The following SNTG1 variants were observed in gnomAD, a reference collection of about 807,000 sequenced individuals.
SNTG1 encodes gamma-1-syntrophin.
Under a neutral mutation model 74.7 loss-of-function variants are expected in SNTG1, and 39 were observed. The observed-to-expected ratio is 0.52, with a 90% CI of 0.40 to 0.68. The LOEUF is 0.68. Ranked by LOEUF, SNTG1 falls within the 30% of genes least tolerant of loss-of-function variation. SNTG1 has a pLI of 0.00. For missense variants in SNTG1, 685 were observed against 609.5 expected (o/e 1.12, Z -1.30); for synonymous variants, 254 against 217.1 (o/e 1.17, Z -1.49).
intron 8 of SNTG1, among the ~76,000 whole-genome samples, chr8:50,476,569 G>A (rs2093698202): frequency 1.3e-5 from 2 of 152,138 alleles, no homozygotes; most frequent in South Asian, 4.1e-4. Flanking sequence ...TGTGGTAATG[G>A]ATAGGATACA....
intron 18 of SNTG1, among the ~76,000 whole-genome samples, chr8:50,761,433 T>C (rs1204872837): frequency 6.6e-6 from 1 of 151,898 alleles, no homozygotes; most frequent in Non-Finnish European, 1.5e-5. Context: ...TCACATATGC[T>C]GCTCAGTCAC....
Position 50,236,103 on chromosome 8 carries a change from T to A in SNTG1, c.-28+63468T>A, listed in dbSNP as rs11991003. On this transcript the variant is annotated intron_variant, in intron 2 of 18. Transcript: ENST00000642720. ...GAGTATGGAGGAGAGGTTGTGCCAC[T>A]TTAAGATGGTACAATTTTATCTGGA... 7.4e-4 allele frequency among the ~76,000 whole-genome samples: 112 copies of A among 152,284 alleles called. 2 individuals carry two copies. Among genetic ancestry groups the A allele is most frequent in the African/African-American group, 2.4e-3 (101 of 41,582 alleles).
At chr8:50,094,123 G>GTTTGCTGAAATTATATA (rs1173017898) in intron 1 of SNTG1, among the ~76,000 whole-genome samples, 1 of 152,100 alleles carries the variant, frequency 6.6e-6, no homozygotes, top group African/African-American at 2.4e-5. Flanking sequence ...GTGTTTGGGA[G>GTTTGCTGAAATTATATA]TGTGCAGGGA....
At chr8:50,735,501 TCAATCA>T (rs2095526078) in intron 17 of SNTG1, among the ~76,000 whole-genome samples, 1 of 151,544 alleles carries the variant, frequency 6.6e-6, no homozygotes, top group Non-Finnish European at 1.5e-5. Context: ...GTCAAATCGA[TCAATCA>T]GAAGAAAGGG....
intron 2 of SNTG1, among the ~76,000 whole-genome samples, chr8:50,198,086 G>A (rs2083845560): frequency 6.6e-6 from 1 of 151,966 alleles, no homozygotes; most frequent in African/African-American, 2.4e-5. Context: ...CTTCTTTTCA[G>A]AATGAGCCCC....
At chr8:50,194,634 A>AT (rs1351980387) in intron 2 of SNTG1, among the ~76,000 whole-genome samples, 1 of 151,822 alleles carries the variant, frequency 6.6e-6, no homozygotes, top group Non-Finnish European at 1.5e-5. Flanking sequence ...TGTTTCATTT[A>AT]TTTTTTGTAC....
At chr8:50,089,629 T>G (rs1440993673) in intron 1 of SNTG1, among the ~76,000 whole-genome samples, 2 of 152,228 alleles carry the variant, frequency 1.3e-5, no homozygotes, top group South Asian at 4.2e-4. Flanking sequence ...AAGAAGACAT[T>G]TATGCAGCCA....
At chr8:49,989,079 A>G (rs1200740996) in intron 1 of SNTG1, among the ~76,000 whole-genome samples, 3 of 151,976 alleles carry the variant, frequency 2.0e-5, no homozygotes, top group South Asian at 2.1e-4. Flanking sequence ...ATAAATATAT[A>G]TAACTATTAT....
chr8:50,717,806 C>T (rs550998131), intron 17 of SNTG1, among the ~76,000 whole-genome samples: 78 of 152,234 alleles, frequency 5.1e-4, no homozygotes, highest in African/African-American at 1.8e-3. Context: ...GCATGATGAA[C>T]CCTTAGAAAG....
At chr8:50,334,868 T>C (rs908117686) in intron 2 of SNTG1, among the ~76,000 whole-genome samples, 9 of 152,218 alleles carry the variant, frequency 5.9e-5, no homozygotes, top group African/African-American at 1.9e-4. Context: ...CTATGCTCAC[T>C]CAATGCACCT....
intron 4 of SNTG1, among the ~76,000 whole-genome samples, chr8:50,414,057 C>A (rs2092984810): frequency 6.6e-6 from 1 of 152,118 alleles, no homozygotes; most frequent in African/African-American, 2.4e-5. Flanking sequence ...ATAGATCTGA[C>A]TCTGTTATCT....
chr8:50,782,585 T>C (rs1175064657), intron 18 of SNTG1, among the ~76,000 whole-genome samples: 1 of 152,152 alleles, frequency 6.6e-6, no homozygotes, highest in Non-Finnish European at 1.5e-5. Flanking sequence ...TCTGTATTGG[T>C]TATTCTAGTT....
At chr8:50,028,643 T>G (rs944562157) in intron 1 of SNTG1, among the ~76,000 whole-genome samples, 3 of 151,824 alleles carry the variant, frequency 2.0e-5, no homozygotes, top group African/African-American at 7.2e-5. Context: ...TAATGCTAGA[T>G]GACGAGTTAG....
At chr8:50,215,222 AG>A (rs1232284020) in intron 2 of SNTG1, among the ~76,000 whole-genome samples, 3 of 152,026 alleles carry the variant, frequency 2.0e-5, no homozygotes, top group African/African-American at 7.2e-5. Flanking sequence ...GACTTTTAGA[AG>A]ATTACATTCT....
chr8:50,197,294 A>T lies in SNTG1; in HGVS notation c.-28+24659A>T, dbSNP rs114062683. On this transcript the variant is annotated intron_variant, in intron 2 of 18. Transcript: ENST00000642720. Reference sequence around the variant, plus strand: ...GTGAATATGTAATATGTACATAAAGATATATACATTCAAATACATTCCTGT... The same window carrying T: ...GTGAATATGTAATATGTACATAAAGTTATATACATTCAAATACATTCCTGT... Among the ~76,000 whole-genome samples the T allele has an allele frequency of 5.3e-3, 814 of 152,310 alleles. 12 individuals are homozygous for T. Among genetic ancestry groups the T allele is most frequent in the African/African-American group, 0.019 (773 of 41,560 alleles).
chr8:50,186,295 G>C (rs1484442258), intron 2 of SNTG1, among the ~76,000 whole-genome samples: 1 of 152,040 alleles, frequency 6.6e-6, no homozygotes, highest in Non-Finnish European at 1.5e-5. Context: ...ATTGTAAATA[G>C]TGCTGCAGTA....
At chr8:50,231,914 T>C (rs913285918) in intron 2 of SNTG1, among the ~76,000 whole-genome samples, 2 of 151,442 alleles carry the variant, frequency 1.3e-5, no homozygotes, top group African/African-American at 4.8e-5. Context: ...GATAAATATG[T>C]TATTTAGCTT....
intron 11 of SNTG1, among the ~76,000 whole-genome samples, chr8:50,543,467 T>A (rs2094363462): frequency 6.6e-6 from 1 of 151,732 alleles, no homozygotes; most frequent in Admixed American, 6.6e-5. Context: ...TTGTTGCTGT[T>A]GTTTCCTCCC....
chr8:50,046,474 AT>A (rs1330442991), intron 1 of SNTG1, among the ~76,000 whole-genome samples: 1 of 152,232 alleles, frequency 6.6e-6, no homozygotes, highest in Non-Finnish European at 1.5e-5. Flanking sequence ...TATTTTAAAT[AT>A]TTAAATGTTT....
Sources: gnomAD v4.1 joint callset for allele counts (sites outside exome capture counted in the v4.1 genomes callset) on GRCh38, gnomAD v4.1.1 for gene constraint, MANE v1.5 for transcripts, NCBI Gene and HGNC (gene_info 2026-07-23, HGNC 2026-07-21) for gene names.